Variants in BMPER observed in about 807,000 individuals in gnomAD.
BMPER encodes the protein BMP-binding endothelial regulator protein.
In BMPER, 45 loss-of-function variants were observed where a neutral mutation model predicts 87.3. The ratio of observed to expected loss-of-function variants is 0.52; its 90% confidence interval spans 0.41 to 0.66. The LOEUF is 0.66. Ranked by LOEUF, BMPER falls within the 30% of genes least tolerant of loss-of-function variation. The pLI is 0.00. For synonymous variants in BMPER, 326 were observed against 316.2 expected, an observed-to-expected ratio of 1.03 and a Z score of -0.33; for missense variants, 784 against 867.5, an observed-to-expected ratio of 0.90 and a Z score of 1.21.
intron 13 of BMPER, among the ~76,000 whole-genome samples, chr7:34,107,015 C>T (rs965816490): frequency 6.9e-6 from 1 of 145,422 alleles, no homozygotes; most frequent in African/African-American, 2.8e-5. Flanking sequence ...GAATAGACCA[C>T]TCCATTGATT....
At chr7:34,026,424 C>G (rs1028448807) in intron 6 of BMPER, among the ~76,000 whole-genome samples, 3 of 152,072 alleles carry the variant, frequency 2.0e-5, no homozygotes, top group African/African-American at 7.2e-5. Flanking sequence ...ATTTAAACTT[C>G]TCATGCAGTT....
At chr7:33,952,069 C>T (rs1785041258) in intron 3 of BMPER, among the ~76,000 whole-genome samples, 1 of 152,158 alleles carries the variant, frequency 6.6e-6, no homozygotes, top group East Asian at 1.9e-4. Flanking sequence ...ACTTACTGAT[C>T]ACCTAAATGT....
intron 6 of BMPER, chr7:34,042,831 T>G (rs572399405): frequency 6.6e-6 from 1 of 152,206 alleles, no homozygotes; most frequent in Non-Finnish European, 1.5e-5. Flanking sequence ...AGTCAATGTC[T>G]CCTTACAGGA....
chr7:34,056,889 T>TA (rs1788300970), intron 9 of BMPER, among the ~76,000 whole-genome samples: 1 of 152,230 alleles, frequency 6.6e-6, no homozygotes, highest in Non-Finnish European at 1.5e-5. Flanking sequence ...GTGCTGGGAT[T>TA]ACAGGCGTGA....
chr7:33,989,337 G>A (rs1268400960), intron 6 of BMPER, among the ~76,000 whole-genome samples: 1 of 151,040 alleles, frequency 6.6e-6, no homozygotes, highest in African/African-American at 2.4e-5. Flanking sequence ...ATCTCATTGT[G>A]GTTTTGATTT....
chr7:33,952,144 C>T (rs1214276586), intron 3 of BMPER, among the ~76,000 whole-genome samples: 4 of 152,114 alleles, frequency 2.6e-5, no homozygotes, highest in Admixed American at 6.5e-5. Flanking sequence ...ATTAGGACTT[C>T]GGATTTCCAA....
At chr7:33,930,089 G>T (rs972475570) in intron 2 of BMPER, among the ~76,000 whole-genome samples, 2 of 152,340 alleles carry the variant, frequency 1.3e-5, no homozygotes, top group South Asian at 2.1e-4. Flanking sequence ...ACTAAACTCA[G>T]TTGGGAAAGA....
In BMPER at chr7:34,153,454, G is replaced by T. The variant is rs1174358180; in HGVS notation, c.*181G>T. The T allele has an allele frequency of 1.6e-6, 1 of 643,464 alleles. No homozygotes were observed. Among genetic ancestry groups the T allele is most frequent in the Non-Finnish European group, 2.6e-6 (1 of 383,234 alleles). 39.9% of individuals were successfully genotyped at this position (643,464 alleles called of 1,614,324 possible). A position where few individuals can be genotyped will look rare whatever the true frequency, so the allele number is the denominator to read the frequency against. On this transcript the variant is annotated 3_prime_UTR_variant, in exon 15 of 15. Coordinates refer to ENST00000649409, the MANE Select transcript of BMPER (RefSeq NM_001365308.1). ...GCATCATTTATATGAACTATAGGGGGATTATTATATGTATATTTTTTGCTA... is the reference window on the plus strand; with the variant it reads ...GCATCATTTATATGAACTATAGGGGTATTATTATATGTATATTTTTTGCTA...
intron 6 of BMPER, among the ~76,000 whole-genome samples, chr7:34,025,801 C>T (rs1442380499): frequency 6.6e-6 from 1 of 152,034 alleles, no homozygotes; most frequent in East Asian, 1.9e-4. Context: ...TCTTGTGCTG[C>T]ATTCCTAAAA....
At chr7:33,989,233 C>A (rs979272311) in intron 6 of BMPER, among the ~76,000 whole-genome samples, 3 of 143,264 alleles carry the variant, frequency 2.1e-5, no homozygotes, top group Admixed American at 7.1e-5. Context: ...GTCCCACCAA[C>A]AGTGTAAAAG....
rs1785941499 is a variant in BMPER at position 33,984,321 on chromosome 7, CT to C, written c.576+9538del. Among the ~76,000 whole-genome samples the C allele has an allele frequency of 3.9e-5, 6 of 152,134 alleles. No individual in the cohort carries two copies. In the South Asian group the frequency reaches 1.2e-3, roughly 32 times the overall value. Reference sequence around the variant, plus strand: ...TCTCTACTAAAAATACAAAAATTAGCTGGGCATGGTGGTGCGTGCCTGTAAT... The same window carrying C: ...TCTCTACTAAAAATACAAAAATTAGCGGGCATGGTGGTGCGTGCCTGTAAT... On this transcript the variant is annotated intron_variant, in intron 6 of 14. Coordinates refer to ENST00000649409, the MANE Select transcript of BMPER (RefSeq NM_001365308.1).
intron 13 of BMPER, among the ~76,000 whole-genome samples, chr7:34,103,033 G>A (rs1562745337): frequency 1.3e-5 from 2 of 152,112 alleles, no homozygotes; most frequent in Non-Finnish European, 2.9e-5. Flanking sequence ...AAAGCACTTG[G>A]AGAGTTTGAA....
chr7:34,136,468 A>G (rs1790721746), intron 13 of BMPER, among the ~76,000 whole-genome samples: 1 of 152,136 alleles, frequency 6.6e-6, no homozygotes, highest in African/African-American at 2.4e-5. Context: ...TTAGGGCAGG[A>G]TTTCAAGGAT....
chr7:34,106,676 AT>A (rs1482015278), intron 13 of BMPER, among the ~76,000 whole-genome samples: 2 of 152,184 alleles, frequency 1.3e-5, no homozygotes, highest in African/African-American at 4.8e-5. Flanking sequence ...TGGGCCTTTC[AT>A]CAGAAACCTT....
chr7:34,125,744 CAT>C (rs1343707146), intron 13 of BMPER, among the ~76,000 whole-genome samples: 1 of 152,180 alleles, frequency 6.6e-6, no homozygotes, highest in Non-Finnish European at 1.5e-5. Flanking sequence ...GGCCCCAAGA[CAT>C]GTGTTGAATT....
chr7:34,050,579 G>A (rs1759338089), intron 7 of BMPER, among the ~76,000 whole-genome samples: 1 of 152,100 alleles, frequency 6.6e-6, no homozygotes, highest in Non-Finnish European at 1.5e-5. Flanking sequence ...GGTATTTTGA[G>A]CATTTCATTG....
intron 3 of BMPER, among the ~76,000 whole-genome samples, chr7:33,964,503 T>C (rs1428199840): frequency 6.6e-6 from 1 of 152,236 alleles, no homozygotes; most frequent in Non-Finnish European, 1.5e-5. Context: ...CCAATCTTTC[T>C]TTATGTGGTA....
chr7:33,944,799 TTAAA>T (rs1298651951), intron 3 of BMPER, among the ~76,000 whole-genome samples: 6 of 152,232 alleles, frequency 3.9e-5, no homozygotes, highest in Middle Eastern at 3.2e-3. Flanking sequence ...TTTGATTCCT[TTAAA>T]TAATTACAGA....
chr7:34,119,812 A>G (rs1790216235), intron 13 of BMPER, among the ~76,000 whole-genome samples: 1 of 152,196 alleles, frequency 6.6e-6, no homozygotes, highest in African/African-American at 2.4e-5. Context: ...AAGTAGTTAT[A>G]TATGGTTAAA....
Sources: gnomAD v4.1 joint callset for allele counts (sites outside exome capture counted in the v4.1 genomes callset) on GRCh38, gnomAD v4.1.1 for gene constraint, MANE v1.5 for transcripts, NCBI Gene and HGNC (gene_info 2026-07-23, HGNC 2026-07-21) for gene names.